Variants in DTNB observed in about 807,000 individuals in gnomAD.
DTNB encodes the protein dystrobrevin beta.
Under a neutral mutation model 90.7 loss-of-function variants are expected in DTNB, and 63 were observed. That is an observed-to-expected ratio of 0.69 (90% CI 0.57 to 0.86). The LOEUF is 0.86. Ranked by LOEUF, DTNB falls within the 40% of genes least tolerant of loss-of-function variation. DTNB has a pLI of 0.00. For synonymous variants in DTNB, 277 were observed against 286.7 expected, an observed-to-expected ratio of 0.97 and a Z score of 0.34; for missense variants, 744 against 807.1, an observed-to-expected ratio of 0.92 and a Z score of 0.95.
intron 4 of DTNB, among the ~76,000 whole-genome samples, chr2:25,610,258 A>G (rs2068238915): frequency 6.6e-6 from 1 of 152,170 alleles, no homozygotes; most frequent in Non-Finnish European, 1.5e-5. Context: ...CCACAGGCAC[A>G]TGCCACCACA....
In DTNB at chr2:25,461,953, C is replaced by T. The variant is rs186784063; in HGVS notation, c.1080-6459G>A. On this transcript the variant is annotated intron_variant, in intron 10 of 20. Coordinates refer to ENST00000406818, the MANE Select transcript of DTNB (RefSeq NM_021907.5). ...TGAACACTCCGTGAGGCTCCGTGAT[C>T]GGCACATTCCCAAGGCATCCCCTAG... is the stretch of plus-strand genomic sequence containing the variant. Among the ~76,000 whole-genome samples the T allele has an allele frequency of 1.8e-3, 267 of 152,282 alleles. 1 individual carries two copies. Among genetic ancestry groups the T allele is most frequent in the African/African-American group, 5.9e-3 (246 of 41,554 alleles).
chr2:25,468,009 T>C (rs548309764), intron 10 of DTNB, among the ~76,000 whole-genome samples: 3 of 152,150 alleles, frequency 2.0e-5, no homozygotes, highest in Non-Finnish European at 2.9e-5. Flanking sequence ...GTGTGTACCA[T>C]GTGGTGGCTG....
At chr2:25,633,908 C>A (rs1390574399) in intron 3 of DTNB, among the ~76,000 whole-genome samples, 5 of 151,802 alleles carry the variant, frequency 3.3e-5, no homozygotes, top group African/African-American at 1.2e-4. Context: ...GCCGCACCGT[C>A]TGAGAAGTGA....
chr2:25,427,817 G>C, intron 14 of DTNB, 186 bp from the exon 15 acceptor site: 3 of 482,548 alleles, frequency 6.2e-6, no homozygotes, highest in Non-Finnish European at 1.1e-5. Context: ...ACTGTTCTGA[G>C]AATAATAGGT....
At chr2:25,499,487 C>T (rs1318449809) in intron 9 of DTNB, among the ~76,000 whole-genome samples, 1 of 152,136 alleles carries the variant, frequency 6.6e-6, no homozygotes, top group African/African-American at 2.4e-5. Context: ...GGATGTTAGG[C>T]CCCAATCTTG....
intron 4 of DTNB, among the ~76,000 whole-genome samples, 179 bp from the exon 5 acceptor site, chr2:25,607,500 G>A (rs2067384891): frequency 6.6e-6 from 1 of 151,378 alleles, no homozygotes. Context: ...CTTCACCTAT[G>A]CTAGGTGAAG....
chr2:25,472,440 G>C (rs2062979198), intron 10 of DTNB, among the ~76,000 whole-genome samples: 1 of 152,196 alleles, frequency 6.6e-6, no homozygotes, highest in East Asian at 1.9e-4. Context: ...TGAGAAGAGA[G>C]AGTGGGACGA....
chr2:25,443,100 C>A (rs2057793402), intron 12 of DTNB, among the ~76,000 whole-genome samples: 1 of 152,124 alleles, frequency 6.6e-6, no homozygotes, highest in Non-Finnish European at 1.5e-5. Flanking sequence ...TAATCAAAGA[C>A]CTAACAATGA....
At chr2:25,609,890 A>G (rs376100589) in intron 4 of DTNB, among the ~76,000 whole-genome samples, 17 of 152,286 alleles carry the variant, frequency 1.1e-4, no homozygotes, top group African/African-American at 4.1e-4. Context: ...GACACAAGAG[A>G]AAAAGGGAAG....
intron 3 of DTNB, among the ~76,000 whole-genome samples, chr2:25,630,266 A>C (rs2148730100): frequency 6.6e-6 from 1 of 152,342 alleles, no homozygotes; most frequent in East Asian, 1.9e-4. Context: ...AGAGAAGTTG[A>C]AATTCTCATA....
At chr2:25,457,658 C>T (rs1185514950) in intron 10 of DTNB, among the ~76,000 whole-genome samples, 1 of 152,030 alleles carries the variant, frequency 6.6e-6, no homozygotes, top group Non-Finnish European at 1.5e-5. Flanking sequence ...TGAAATATCT[C>T]GCTTTTATTA....
At chr2:25,568,813 G>A (rs1206119915) in intron 8 of DTNB, among the ~76,000 whole-genome samples, 2 of 152,196 alleles carry the variant, frequency 1.3e-5, no homozygotes, top group African/African-American at 2.4e-5. Flanking sequence ...GGCACCATGA[G>A]TGGAGTCCCG....
intron 3 of DTNB, among the ~76,000 whole-genome samples, chr2:25,638,529 T>C (rs1450856015): frequency 6.6e-6 from 1 of 152,206 alleles, no homozygotes; most frequent in African/African-American, 2.4e-5. Flanking sequence ...AGATTAAGTA[T>C]ATACACACAC....
chr2:25,520,714 AAAG>A (rs2075990352), intron 9 of DTNB, among the ~76,000 whole-genome samples: 1 of 152,372 alleles, frequency 6.6e-6, no homozygotes, highest in South Asian at 2.1e-4. Context: ...TAAAGTTCAA[AAAG>A]AAGATTTATG....
At chr2:25,592,951 A>G (rs6709145) in intron 6 of DTNB, among the ~76,000 whole-genome samples, 2,256 of 152,318 alleles carry the variant, frequency 0.015, 59 homozygotes, top group African/African-American at 0.051. Context: ...TGAGACGAGC[A>G]TACAACTTCC....
At chr2:25,478,094 A>G (rs2064110063) in intron 10 of DTNB, among the ~76,000 whole-genome samples, 1 of 151,418 alleles carries the variant, frequency 6.6e-6, no homozygotes, top group South Asian at 2.1e-4. Context: ...ATGTGACTTA[A>G]TATGCCATGC....
intron 10 of DTNB, among the ~76,000 whole-genome samples, chr2:25,471,977 A>T (rs962460702): frequency 6.6e-6 from 1 of 152,244 alleles, no homozygotes; most frequent in Non-Finnish European, 1.5e-5. Context: ...CTTTCTTTTT[A>T]ATTTCCCTGC....
rs1374639739 is a variant in DTNB at position 25,424,785 on chromosome 2, A to C, written c.1554+2750T>G. Among the ~76,000 whole-genome samples the C allele has an allele frequency of 6.6e-6, 1 of 151,612 alleles. No individual in the cohort carries two copies. The highest frequency in any genetic ancestry group is 1.5e-5 in the Non-Finnish European group (1 of 67,916). ...TGGGCTTAAGCGATCCTCCCACCTC[A>C]GCCTCCTGAGTAGCTGGGATTATAG... On this transcript the variant is annotated intron_variant, in intron 15 of 20. Coordinates refer to ENST00000406818, the MANE Select transcript of DTNB (RefSeq NM_021907.5). This position sits in a 1 kb window ranked among gnomAD's most constrained non-coding sequence, Gnocchi z 4.1.
rs57988624 is a variant in DTNB at position 25,386,179 on chromosome 2, C to T, written c.1825+1110G>A. 1.5e-3 allele frequency: 1,393 copies of T among 914,544 alleles called. 16 individuals are homozygous for T. The African/African-American group carries it at 0.021, about 14-fold the overall frequency. 56.7% of individuals were successfully genotyped at this position (914,544 alleles called of 1,614,324 possible). A position where few individuals can be genotyped will look rare whatever the true frequency, so the allele number is the denominator to read the frequency against. On this transcript the variant is annotated intron_variant, in intron 18 of 20. Coordinates refer to ENST00000406818, the MANE Select transcript of DTNB (RefSeq NM_021907.5). Reference sequence around the variant, plus strand: ...GTCTGACCTTAACTGACTGGAAAGACGAAGCTGGGCTATACACTCACTTTG... The same window carrying T: ...GTCTGACCTTAACTGACTGGAAAGATGAAGCTGGGCTATACACTCACTTTG...
Sources: allele counts gnomAD v4.1 joint callset (sites outside exome capture counted in the v4.1 genomes callset), GRCh38; gene constraint gnomAD v4.1.1; non-coding constraint Gnocchi (gnomAD v3.1); transcripts MANE v1.5; gene names NCBI Gene and HGNC (gene_info 2026-07-23, HGNC 2026-07-21).